Variants in PCLO observed in about 807,000 individuals in gnomAD.
The protein encoded by PCLO is piccolo presynaptic cytomatrix protein.
In PCLO, 82 loss-of-function variants were observed where a neutral mutation model predicts 427.5. The ratio of observed to expected loss-of-function variants is 0.19; its 90% CI spans 0.16 to 0.23. PCLO has a LOEUF of 0.23. PCLO is among the 10% of genes least tolerant of loss of function. The pLI, the probability that PCLO is intolerant of heterozygous loss-of-function variation, is 1.00. For synonymous variants in PCLO, 2,357 were observed against 2,155.4 expected (o/e 1.09, Z -2.59); for missense variants, 6,239 against 6,115.9 (o/e 1.02, Z -0.67).
At chr7:82,928,547 AT>A (rs1453478027) in intron 6 of PCLO, among the ~76,000 whole-genome samples, 1 of 151,880 alleles carries the variant, frequency 6.6e-6, no homozygotes, top group Non-Finnish European at 1.5e-5. Context: ...CGCTCGGCTA[AT>A]TTTTTTTGTA....
chr7:82,911,609 T>C (rs1584139236), intron 7 of PCLO, among the ~76,000 whole-genome samples: 1 of 152,110 alleles, frequency 6.6e-6, no homozygotes, highest in South Asian at 2.1e-4. Flanking sequence ...CAGTATATAC[T>C]GGAGGACATG....
chr7:82,771,029 G>T (rs1158109661), intron 22 of PCLO, among the ~76,000 whole-genome samples: 1 of 151,754 alleles, frequency 6.6e-6, no homozygotes, highest in Non-Finnish European at 1.5e-5. Context: ...TTTTTTAAAG[G>T]TTTATCCTAG....
At chr7:82,842,071 C>T (rs1241963163) in intron 13 of PCLO, among the ~76,000 whole-genome samples, 1 of 151,862 alleles carries the variant, frequency 6.6e-6, no homozygotes, top group Non-Finnish European at 1.5e-5. Context: ...CACAAAAGAC[C>T]CTAATAGCCA....
chr7:82,975,593 C>T lies in PCLO; in HGVS notation c.3301-9106G>A, dbSNP rs372527320. ...TTCTTGCAGGGAAGAATCAGTATATCGATTCTGCAGGGTGTAAACTTGTCT... is the reference window on the plus strand; with the variant it reads ...TTCTTGCAGGGAAGAATCAGTATATTGATTCTGCAGGGTGTAAACTTGTCT... On this transcript the variant is annotated intron_variant, in intron 3 of 24. Coordinates refer to ENST00000333891, the MANE Select transcript of PCLO (RefSeq NM_033026.6). Among the ~76,000 whole-genome samples the T allele has an allele frequency of 3.4e-4, 52 of 152,246 alleles. 1 individual carries two copies. The South Asian group carries it at 0.011, about 31-fold the overall frequency.
chr7:82,757,699 T>A lies in PCLO; in HGVS notation c.*876A>T. ...TCATGCTTCCTAGAACATATCAGTTTACTCTAGGTCCTTTGGTACATAGAC... is the reference window on the plus strand; with the variant it reads ...TCATGCTTCCTAGAACATATCAGTTAACTCTAGGTCCTTTGGTACATAGAC... On this transcript the variant is annotated 3_prime_UTR_variant, in exon 25 of 25. Coordinates refer to ENST00000333891, the MANE Select transcript of PCLO (RefSeq NM_033026.6). 1 of 151,994 alleles carries A rather than the reference T, an allele frequency of 6.6e-6. No individual in the cohort carries two copies. The highest frequency in any genetic ancestry group is 1.5e-5 in the Non-Finnish European group (1 of 67,910). 9.4% of individuals were successfully genotyped at this position (151,994 alleles called of 1,614,324 possible).
chr7:82,789,300 T>G (rs2129468355), intron 22 of PCLO, among the ~76,000 whole-genome samples: 1 of 152,318 alleles, frequency 6.6e-6, no homozygotes, highest in African/African-American at 2.4e-5. Flanking sequence ...TCAATTAGAT[T>G]GATTCAATTA....
Position 82,955,012 on chromosome 7 carries a change from T to C in PCLO, c.5941A>G (p.Asn1981Asp), listed in dbSNP as rs1314569941. ...CTTCCTTTCTGCTGCATAAATCCAT[T>C]TTCTTCTTCTTGCCTTGTTAGCAGA... ...GSLLTRQEEE[N>D]GFMQQKGREQ... Residue 1981 changes from asparagine (N) to aspartate (D), a missense_variant, in exon 5 of 25, where the codon AAT becomes GAT. Around this residue, in one of 5 missense-constraint regions of PCLO, gnomAD observed 4,677 missense variants for 4,468.4 expected, o/e 1.05. Transcript: ENST00000333891. 4 of 1,613,836 alleles carry C rather than the reference T, an allele frequency of 2.5e-6. No homozygotes were observed. The East Asian group carries it at 6.7e-5, about 27-fold the overall frequency.
chr7:82,927,294 G>A (rs1018197164), intron 6 of PCLO, among the ~76,000 whole-genome samples: 3 of 152,016 alleles, frequency 2.0e-5, no homozygotes, highest in African/African-American at 7.2e-5. Flanking sequence ...TCACACATAC[G>A]ATCCTTGGCT....
At chr7:82,928,951 AAGAG>A (rs1794777385) in intron 6 of PCLO, among the ~76,000 whole-genome samples, 1 of 152,132 alleles carries the variant, frequency 6.6e-6, no homozygotes. Context: ...AAAAATAAAT[AAGAG>A]AGAAAGTAAA....
chr7:82,829,624 G>T (rs1248503609), intron 16 of PCLO, among the ~76,000 whole-genome samples: 1 of 151,998 alleles, frequency 6.6e-6, no homozygotes, highest in African/African-American at 2.4e-5. Flanking sequence ...AAAGAAAGAG[G>T]AGCTCTCATA....
At chr7:82,841,310 C>T in intron 14 of PCLO, 149 bp downstream of exon 14, 1 of 639,152 alleles carries the variant, frequency 1.6e-6, no homozygotes, top group Non-Finnish European at 2.8e-6. Flanking sequence ...TATTAATATA[C>T]TATTCTATAA....
At chr7:82,797,881 C>A (rs746438242) in intron 22 of PCLO, among the ~76,000 whole-genome samples, 3 of 152,040 alleles carry the variant, frequency 2.0e-5, no homozygotes, top group African/African-American at 4.8e-5. Flanking sequence ...GAGAAAATGA[C>A]TAAGTGGAAA....
At chr7:83,008,761 T>C (rs1435739025) in intron 3 of PCLO, among the ~76,000 whole-genome samples, 2 of 151,680 alleles carry the variant, frequency 1.3e-5, no homozygotes, top group Admixed American at 6.6e-5. Context: ...TCAACAAATA[T>C]ACCTAAACAT....
At chr7:82,832,561 C>T (rs1792121749) in intron 16 of PCLO, among the ~76,000 whole-genome samples, 2 of 151,828 alleles carry the variant, frequency 1.3e-5, no homozygotes, top group East Asian at 3.9e-4. Context: ...GTCATTTTGT[C>T]ATGCATAGGT....
chr7:83,076,176 T>C (rs1189888128), intron 3 of PCLO, among the ~76,000 whole-genome samples: 1 of 151,850 alleles, frequency 6.6e-6, no homozygotes, highest in Non-Finnish European at 1.5e-5. Flanking sequence ...CAGTTCATAT[T>C]GAAATGTTTA....
intron 3 of PCLO, among the ~76,000 whole-genome samples, chr7:82,992,591 G>A (rs1056480364): frequency 6.6e-6 from 1 of 151,872 alleles, no homozygotes; most frequent in Non-Finnish European, 1.5e-5. Flanking sequence ...AGGGCCTGTC[G>A]GGGGGTGTGG....
Position 83,155,932 on chromosome 7 carries a change from T to G in PCLO, c.709A>C (p.Lys237Gln). Residue 237 changes from lysine (K) to glutamine (Q), a missense_variant, in exon 2 of 25, where the codon AAA becomes CAA. This residue lies in a region of PCLO where 4,677 missense variants were observed against 4,468.4 expected (regional missense o/e 1.05). Transcript: ENST00000333891. ...TCTGGTTGTTGAGAAGATATTGATT[T>G]GGGAGTGCCATCCTGCTGAAGCGGA... ...RDPLQQDGTP[K>Q]SISSQQPEKI... is the part of the protein sequence containing the mutation. 6.2e-7 allele frequency: 1 copy of G among 1,613,914 alleles called. No individual in the cohort carries two copies. The highest frequency in any genetic ancestry group is 8.5e-7 in the Non-Finnish European group (1 of 1,179,852).
chr7:82,825,659 TAC>T (rs1268160815), intron 18 of PCLO, among the ~76,000 whole-genome samples: 1 of 148,204 alleles, frequency 6.7e-6, no homozygotes, highest in Non-Finnish European at 1.5e-5. Flanking sequence ...ATAGTATATA[TAC>T]ATTGTATATA....
chr7:83,129,253 T>C (rs1413389752), intron 3 of PCLO, among the ~76,000 whole-genome samples: 1 of 152,208 alleles, frequency 6.6e-6, no homozygotes, highest in African/African-American at 2.4e-5. Flanking sequence ...TTGCCTCACA[T>C]AGGCCAAGTC....
Sources: allele counts gnomAD v4.1 joint callset (sites outside exome capture counted in the v4.1 genomes callset), GRCh38; gene constraint gnomAD v4.1.1; regional missense constraint gnomAD v4.1.1; transcripts MANE v1.5; gene names NCBI Gene and HGNC (gene_info 2026-07-23, HGNC 2026-07-21).